The following LEKR1 variants were observed in gnomAD, a reference collection of about 807,000 sequenced individuals.
LEKR1 encodes protein LEKR1.
Under a neutral mutation model 72.4 loss-of-function variants are expected in LEKR1, and 59 were observed. The ratio of observed to expected loss-of-function variants is 0.82; its 90% CI spans 0.66 to 1.01. The LOEUF (loss-of-function observed/expected upper bound fraction) is 1.01. Ranked by LOEUF, LEKR1 falls within the 50% of genes least tolerant of loss-of-function variation. The pLI, the probability that LEKR1 is intolerant of heterozygous loss-of-function variation, is 0.00. For missense variants in LEKR1, 728 were observed against 759.2 expected (o/e 0.96, Z 0.48); for synonymous variants, 257 against 263.2 (o/e 0.98, Z 0.23).
At chr3:156,925,448 C>CT (rs1363023446) in intron 4 of LEKR1, among the ~76,000 whole-genome samples, 3 of 151,938 alleles carry the variant, frequency 2.0e-5, no homozygotes, top group Non-Finnish European at 2.9e-5. Context: ...TTCATACCTA[C>CT]TTCCAGGTTG....
intron 6 of LEKR1, among the ~76,000 whole-genome samples, chr3:156,959,957 T>C (rs1304528095): frequency 1.3e-5 from 2 of 152,108 alleles, no homozygotes; most frequent in Admixed American, 1.3e-4. Context: ...CCCACCCATG[T>C]TCCCTACCAA....
intron 6 of LEKR1, among the ~76,000 whole-genome samples, chr3:156,969,235 A>T (rs886152447): frequency 1.3e-5 from 2 of 152,220 alleles, no homozygotes; most frequent in African/African-American, 4.8e-5. Flanking sequence ...GCAAGAGCAG[A>T]CACATTCAAA....
intron 1 of LEKR1, among the ~76,000 whole-genome samples, chr3:156,829,019 C>T (rs1327728574): frequency 6.6e-6 from 1 of 152,132 alleles, no homozygotes; most frequent in Non-Finnish European, 1.5e-5. Flanking sequence ...TAAATCACAA[C>T]AGAAATTATT....
intron 2 of LEKR1, chr3:156,851,026 A>G (rs1296544740): frequency 6.6e-6 from 1 of 152,214 alleles, no homozygotes; most frequent in African/African-American, 2.4e-5. Flanking sequence ...TTACAATGAT[A>G]TTAGTAATGA....
intron 6 of LEKR1, among the ~76,000 whole-genome samples, chr3:156,963,018 CT>C (rs572403474): frequency 7.0e-4 from 106 of 152,276 alleles, no homozygotes; most frequent in Non-Finnish European, 1.3e-3. Context: ...AAATTCACCC[CT>C]CTCAGATAGT....
At chr3:156,889,753 C>T (rs754671985) in intron 3 of LEKR1, among the ~76,000 whole-genome samples, 4 of 152,172 alleles carry the variant, frequency 2.6e-5, no homozygotes, top group Non-Finnish European at 5.9e-5. Flanking sequence ...TCATTCCCCA[C>T]TCCTCAATTC....
At chr3:156,876,632 T>C (rs1018697320) in intron 3 of LEKR1, among the ~76,000 whole-genome samples, 2 of 152,204 alleles carry the variant, frequency 1.3e-5, no homozygotes, top group Admixed American at 1.3e-4. Flanking sequence ...TAGTCATTGT[T>C]GGTATATAGC....
At chr3:157,016,569 A>C (rs1312012777) in intron 10 of LEKR1, among the ~76,000 whole-genome samples, 2 of 152,150 alleles carry the variant, frequency 1.3e-5, no homozygotes, top group African/African-American at 2.4e-5. Flanking sequence ...CCCACGCTAT[A>C]AAAAATGTTA....
intron 6 of LEKR1, among the ~76,000 whole-genome samples, chr3:156,950,761 T>C (rs1389994227): frequency 6.6e-6 from 1 of 151,724 alleles, no homozygotes; most frequent in African/African-American, 2.4e-5. Context: ...CAAGGAACTT[T>C]TGTGTCAAGA....
In LEKR1 at chr3:156,927,407, ATT is replaced by A. The variant is rs200029200; in HGVS notation, c.384-11_384-10del. 973 of 798,386 alleles carry A rather than the reference ATT, an allele frequency of 1.2e-3. No homozygotes were observed. The highest frequency in any genetic ancestry group is 2.0e-3 in the Middle Eastern group (4 of 1,992). 49.5% of individuals were successfully genotyped at this position (798,386 alleles called of 1,614,324 possible). A position where few individuals can be genotyped will look rare whatever the true frequency, so the allele number is the denominator to read the frequency against. ...TATGCTTACTATTTTTTAAAATCCTATTTTTTTTTTTTACTTTGCAGTCAAAG... is the reference window on the plus strand; with the variant it reads ...TATGCTTACTATTTTTTAAAATCCTATTTTTTTTTTACTTTGCAGTCAAAG... On this transcript the variant is annotated intron_variant, in intron 4 of 12. Transcript: ENST00000356539.
chr3:156,955,106 A>AT (rs376039290), intron 6 of LEKR1, among the ~76,000 whole-genome samples: 2 of 151,550 alleles, frequency 1.3e-5, no homozygotes, highest in Non-Finnish European at 3.0e-5. Context: ...GGTTTTAAAA[A>AT]TTTTTTTTAT....
intron 2 of LEKR1, among the ~76,000 whole-genome samples, chr3:156,852,467 T>G (rs964627938): frequency 1.3e-5 from 2 of 152,214 alleles, no homozygotes; most frequent in African/African-American, 4.8e-5. Flanking sequence ...ATAAAGATTA[T>G]AAATTTTTCA....
At chr3:156,984,371 G>A (rs1274054008) in intron 7 of LEKR1, among the ~76,000 whole-genome samples, 1 of 152,138 alleles carries the variant, frequency 6.6e-6, no homozygotes, top group African/African-American at 2.4e-5. Context: ...ATATGTCTAA[G>A]TGATTATGTA....
At chr3:157,001,351 G>A (rs539045951) in intron 9 of LEKR1, among the ~76,000 whole-genome samples, 1 of 152,272 alleles carries the variant, frequency 6.6e-6, no homozygotes, top group African/African-American at 2.4e-5. Context: ...ACAGAGGCAG[G>A]AGTTGTGGCA....
intron 12 of LEKR1, among the ~76,000 whole-genome samples, chr3:157,032,307 G>T (rs542875541): frequency 4.6e-4 from 70 of 152,240 alleles, no homozygotes; most frequent in African/African-American, 1.6e-3. Flanking sequence ...AGGACAATCA[G>T]TACAGATAGT....
At chr3:156,938,142 A>AAC (rs139273691) in intron 5 of LEKR1, among the ~76,000 whole-genome samples, 3,475 of 149,682 alleles carry the variant, frequency 0.023, 129 homozygotes, top group African/African-American at 0.074. Flanking sequence ...ATGGAACTGT[A>AAC]ACACACACAC....
At chr3:156,896,880 C>T (rs907083493) in intron 3 of LEKR1, among the ~76,000 whole-genome samples, 4 of 152,102 alleles carry the variant, frequency 2.6e-5, no homozygotes, top group African/African-American at 9.7e-5. Flanking sequence ...AAAAAGAACA[C>T]AATCATGTCC....
intron 10 of LEKR1, among the ~76,000 whole-genome samples, 161 bp from the exon 11 acceptor site, chr3:157,024,599 A>G (rs1734061622): frequency 6.6e-6 from 1 of 152,218 alleles, no homozygotes; most frequent in Non-Finnish European, 1.5e-5. Context: ...TTTCTGGCCC[A>G]AGTTCTAAGT....
At chr3:156,985,561 G>T (rs139920527) in intron 7 of LEKR1, among the ~76,000 whole-genome samples, 1 of 152,142 alleles carries the variant, frequency 6.6e-6, no homozygotes, top group African/African-American at 2.4e-5. Context: ...GAGGCCAGGC[G>T]TAGTGGCTCA....
Sources: gnomAD v4.1 joint callset for allele counts (sites outside exome capture counted in the v4.1 genomes callset) on GRCh38, gnomAD v4.1.1 for gene constraint, MANE v1.5 for transcripts, NCBI Gene and HGNC (gene_info 2026-07-23, HGNC 2026-07-21) for gene names.